Variants in GLT1D1 observed in about 807,000 individuals in gnomAD.
GLT1D1 encodes the protein glycosyltransferase 1 domain-containing protein 1.
GLT1D1 carries 21 observed loss-of-function variants against 28.7 expected under a neutral mutation model. The ratio of observed to expected loss-of-function variants is 0.73; its 90% CI spans 0.52 to 1.05. The LOEUF (loss-of-function observed/expected upper bound fraction) is 1.05, where lower values mean the gene tolerates loss of function less well. Ranked by LOEUF, GLT1D1 falls within the 50% of genes least tolerant of loss-of-function variation. The pLI is 0.00. For missense variants in GLT1D1, 343 were observed against 330.6 expected (o/e 1.04, Z -0.29); for synonymous variants, 147 against 124.8 (o/e 1.18, Z -1.19).
chr12:128,960,041 CATT>C (rs1328557849), intron 7 of GLT1D1, among the ~76,000 whole-genome samples: 2 of 152,166 alleles, frequency 1.3e-5, no homozygotes, highest in African/African-American at 4.8e-5. Flanking sequence ...GTCTGCAAAT[CATT>C]ATCGTGCCGC....
At chr12:128,902,296 C>G (rs1461192646) in intron 4 of GLT1D1, among the ~76,000 whole-genome samples, 1 of 150,912 alleles carries the variant, frequency 6.6e-6, no homozygotes, top group Admixed American at 6.6e-5. Flanking sequence ...CCAGCCTGAC[C>G]AACATGGAGA....
Position 128,973,179 on chromosome 12 carries a change from G to GTTTTTTTTTTTTTTTTTT in GLT1D1, c.640-9740_640-9723dup, listed in dbSNP as rs61169176. On this transcript the variant is annotated intron_variant, in intron 7 of 7. Coordinates refer to ENST00000281703, the MANE Select transcript of GLT1D1 (RefSeq NM_144669.3). The stretch of plus-strand genomic sequence containing the variant: ...CTTTTCTGTTTTGTTTGTTTGCTTG[G>GTTTTTTTTTTTTTTTTTT]TTTTTTTTTTTTTTTTTTTTTTTTT... Among the ~76,000 whole-genome samples the GTTTTTTTTTTTTTTTTTT allele has an allele frequency of 2.7e-4, 14 of 50,986 alleles. 2 individuals are homozygous for GTTTTTTTTTTTTTTTTTT. The highest frequency in any genetic ancestry group is 1.2e-3 in the East Asian group (2 of 1,726). 33.4% of individuals were successfully genotyped at this position (50,986 alleles called of 152,430 possible). A position where few individuals can be genotyped will look rare whatever the true frequency, so the allele number is the denominator to read the frequency against.
intron 7 of GLT1D1, among the ~76,000 whole-genome samples, chr12:128,980,529 T>G (rs559726414): frequency 6.6e-6 from 1 of 152,182 alleles, no homozygotes; most frequent in Non-Finnish European, 1.5e-5. Flanking sequence ...CTTCTGCTGA[T>G]CTGGTGAGTG....
intron 4 of GLT1D1, among the ~76,000 whole-genome samples, chr12:128,924,107 C>T (rs1469178557): frequency 1.3e-5 from 2 of 152,044 alleles, no homozygotes; most frequent in Admixed American, 1.3e-4. Flanking sequence ...TCCAGGGCCT[C>T]ATGCAGCCGG....
At chr12:128,951,862 A>C (rs1054164902) in intron 6 of GLT1D1, among the ~76,000 whole-genome samples, 4 of 152,338 alleles carry the variant, frequency 2.6e-5, no homozygotes, top group African/African-American at 9.6e-5. Flanking sequence ...CTCAGATTAC[A>C]CTGAAGTCTC....
At position 128,956,158 on chromosome 12, in the gene GLT1D1, C is replaced by CAAAAAAAAAAAAAAAAAAAAAAAA. The variant is rs1555219265; in HGVS notation, c.541-1373_541-1372insAAAAAAAAAAAAAAAAAAAAAAAA. Among the ~76,000 whole-genome samples, 17 of 7,464 alleles carry CAAAAAAAAAAAAAAAAAAAAAAAA rather than the reference C, an allele frequency of 2.3e-3. 3 individuals are homozygous for CAAAAAAAAAAAAAAAAAAAAAAAA. The highest frequency in any genetic ancestry group is 5.1e-3 in the African/African-American group (13 of 2,566). The allele number at this position is 7,464 out of a possible 152,430, so 4.9% of individuals were successfully genotyped here. ...TGGGTGACAGAGCGAGACTCCATCTCAAAAAAAAAAAAAAGAGAAAGAGAG... is the reference window on the plus strand; with the variant it reads ...TGGGTGACAGAGCGAGACTCCATCTCAAAAAAAAAAAAAAAAAAAAAAAAAAAAAAAAAAAAAAGAGAAAGAGAG... On this transcript the variant is annotated intron_variant, in intron 6 of 7. Coordinates refer to ENST00000281703, the MANE Select transcript of GLT1D1 (RefSeq NM_144669.3).
At chr12:128,928,738 A>G (rs1873553430) in intron 4 of GLT1D1, among the ~76,000 whole-genome samples, 3 of 151,328 alleles carry the variant, frequency 2.0e-5, no homozygotes, top group African/African-American at 7.3e-5. Context: ...CTCCAGCCTC[A>G]GTCTTCCTAG....
intron 2 of GLT1D1, among the ~76,000 whole-genome samples, chr12:128,883,617 A>C (rs1008755910): frequency 1.4e-4 from 21 of 151,456 alleles, no homozygotes; most frequent in Admixed American, 2.6e-4. Context: ...AAAGTAGAAG[A>C]AGCCAAGTTT....
At chr12:128,979,837 G>A (rs1880146877) in intron 7 of GLT1D1, among the ~76,000 whole-genome samples, 1 of 151,906 alleles carries the variant, frequency 6.6e-6, no homozygotes, top group Non-Finnish European at 1.5e-5. Context: ...TCAGTGCTCA[G>A]AACACTTACA....
intron 7 of GLT1D1, among the ~76,000 whole-genome samples, chr12:128,966,339 C>T (rs1878457525): frequency 1.3e-5 from 2 of 152,188 alleles, no homozygotes; most frequent in African/African-American, 4.8e-5. Context: ...CCAAGCTGTC[C>T]CTGAGCTAAC....
At chr12:128,957,912 G>A (rs1038559207) in intron 7 of GLT1D1, among the ~76,000 whole-genome samples, 4 of 152,170 alleles carry the variant, frequency 2.6e-5, no homozygotes, top group Non-Finnish European at 4.4e-5. Flanking sequence ...TGAGATATTC[G>A]GATTTCTGAT....
intron 4 of GLT1D1, among the ~76,000 whole-genome samples, chr12:128,940,957 C>G (rs1875153729): frequency 6.6e-6 from 1 of 152,206 alleles, no homozygotes; most frequent in Admixed American, 6.5e-5. Context: ...AGTCACTTCC[C>G]ATTTCCGCCT....
chr12:128,966,886 A>G (rs1169390942), intron 7 of GLT1D1, among the ~76,000 whole-genome samples: 1 of 152,208 alleles, frequency 6.6e-6, no homozygotes, highest in African/African-American at 2.4e-5. Context: ...GAAAACTTCA[A>G]TTTAAGCAAA....
At chr12:128,910,564 C>T (rs925115127) in intron 4 of GLT1D1, among the ~76,000 whole-genome samples, 2 of 152,010 alleles carry the variant, frequency 1.3e-5, no homozygotes, top group Non-Finnish European at 2.9e-5. Context: ...AGAAACACTC[C>T]AAGCCTCCAC....
chr12:128,875,807 A>G (rs1956855014), intron 1 of GLT1D1, 107 bp from the exon 2 acceptor site: 1 of 1,081,752 alleles, frequency 9.2e-7, no homozygotes, highest in South Asian at 1.6e-5. Context: ...TCTCAACAAC[A>G]ACAACAACAA....
intron 7 of GLT1D1, among the ~76,000 whole-genome samples, chr12:128,969,298 T>TGTCTCCCTCCCTCCCC (rs1878801266): frequency 6.6e-6 from 1 of 152,094 alleles, no homozygotes; most frequent in African/African-American, 2.4e-5. Context: ...TCTCTCTCCC[T>TGTCTCCCTCCCTCCCC]GTCTCCCTCC....
At chr12:128,891,751 A>G (rs943212972) in intron 3 of GLT1D1, among the ~76,000 whole-genome samples, 3 of 152,218 alleles carry the variant, frequency 2.0e-5, no homozygotes, top group African/African-American at 7.2e-5. Context: ...TTAGGACCCT[A>G]GTCCTTCCTG....
chr12:128,962,400 A>G (rs562016287), intron 7 of GLT1D1, among the ~76,000 whole-genome samples: 3 of 152,366 alleles, frequency 2.0e-5, no homozygotes, highest in East Asian at 3.9e-4. Flanking sequence ...ATAGCAGTGC[A>G]TGGATTAGCC....
intron 7 of GLT1D1, among the ~76,000 whole-genome samples, chr12:128,981,336 C>A (rs145861012): frequency 3.6e-4 from 55 of 152,172 alleles, no homozygotes; most frequent in Admixed American, 6.5e-4. Flanking sequence ...GTAAGCAGAG[C>A]GGGGAAGGAG....
Sources: allele counts gnomAD v4.1 joint callset (sites outside exome capture counted in the v4.1 genomes callset), GRCh38; gene constraint gnomAD v4.1.1; transcripts MANE v1.5; gene names NCBI Gene and HGNC (gene_info 2026-07-23, HGNC 2026-07-21).